Variants in THEMIS observed in about 807,000 individuals in gnomAD.
THEMIS encodes protein THEMIS.
In THEMIS, 37 loss-of-function variants were observed where a neutral mutation model predicts 52.6. The observed-to-expected ratio is 0.70, with a 90% confidence interval of 0.54 to 0.93. The LOEUF (loss-of-function observed/expected upper bound fraction) is 0.93, where lower values mean the gene tolerates loss of function less well. Among genes scored for constraint, THEMIS ranks in the 40% least tolerant of loss-of-function variants. The pLI is 0.00. For missense variants in THEMIS, 808 were observed against 763.1 expected (o/e 1.06, Z -0.69); for synonymous variants, 292 against 272.7 (o/e 1.07, Z -0.70).
intron 1 of THEMIS, among the ~76,000 whole-genome samples, chr6:127,897,568 G>T (rs146769783): frequency 1.9e-3 from 289 of 151,522 alleles, no homozygotes; most frequent in African/African-American, 6.5e-3. Flanking sequence ...AGTCATCAAG[G>T]AGATGAAAAC....
In THEMIS at chr6:127,829,859, G is replaced by A. The variant is rs1778640581; in HGVS notation, c.326C>T (p.Pro109Leu). Residue 109 changes from proline (P) to leucine (L), a missense_variant, in exon 3 of 6, where the codon CCA becomes CTA. By Grantham distance (98) the Pro-to-Leu change is moderately conservative. Coordinates refer to ENST00000368248, the MANE Select transcript of THEMIS (RefSeq NM_001010923.3). Reference protein sequence around the residue: ...EEITRTIHIGPSRLGHPCFYH... With the variant: ...EEITRTIHIGLSRLGHPCFYH... ...GAAGCAAGGATGCCCTAGTCTACTT[G>A]GTCCAATATGAATGGTCCTTGTGAT... 6.2e-7 allele frequency: 1 copy of A among 1,613,962 alleles called. No homozygotes were observed. The highest frequency in any genetic ancestry group is 1.1e-5 in the South Asian group (1 of 91,076).
At chr6:127,858,182 G>A (rs1242320462) in intron 1 of THEMIS, among the ~76,000 whole-genome samples, 1 of 152,008 alleles carries the variant, frequency 6.6e-6, no homozygotes, top group African/African-American at 2.4e-5. Context: ...AGAAGCCAGA[G>A]AATTCTATAA....
chr6:127,899,727 G>A (rs2114500939), intron 1 of THEMIS, among the ~76,000 whole-genome samples: 1 of 151,518 alleles, frequency 6.6e-6, no homozygotes, highest in South Asian at 2.1e-4. Context: ...CACAAACCAT[G>A]AGACAAAAAA....
chr6:127,807,960 CT>C (rs569597281), intron 4 of THEMIS, among the ~76,000 whole-genome samples: 1 of 152,282 alleles, frequency 6.6e-6, no homozygotes, highest in South Asian at 2.1e-4. Flanking sequence ...TTCCTTCTGC[CT>C]TTTTCAGCCC....
Position 127,829,638 on chromosome 6 carries a change from T to C in THEMIS, c.547A>G (p.Thr183Ala). 2 of 1,614,074 alleles carry C rather than the reference T, an allele frequency of 1.2e-6. No individual in the cohort carries two copies. The highest frequency in any genetic ancestry group is 1.7e-6 in the Non-Finnish European group (2 of 1,180,004). Residue 183 changes from threonine to alanine, a missense_variant, in exon 3 of 6, where the codon ACT becomes GCT. Coordinates refer to ENST00000368248, the MANE Select transcript of THEMIS (RefSeq NM_001010923.3). Reference sequence around the variant, plus strand: ...TTCCATTCAACAATCTCCTTTAGAGTGTAAATACGTTCATCTTCACACTCG... The same window carrying C: ...TTCCATTCAACAATCTCCTTTAGAGCGTAAATACGTTCATCTTCACACTCG... ...FYECEDERIYTLKEIVEWKIP... is the reference protein window; with the variant it reads ...FYECEDERIYALKEIVEWKIP...
chr6:127,791,039 T>C (rs1777137554), intron 4 of THEMIS, among the ~76,000 whole-genome samples: 1 of 152,188 alleles, frequency 6.6e-6, no homozygotes. Flanking sequence ...CTTCTCTCCT[T>C]CTTTCTTATC....
intron 4 of THEMIS, among the ~76,000 whole-genome samples, chr6:127,740,488 C>T (rs1461591387): frequency 6.6e-6 from 1 of 152,102 alleles, no homozygotes; most frequent in African/African-American, 2.4e-5. Context: ...TCAAACTCAA[C>T]TGCATAGTCA....
intron 4 of THEMIS, among the ~76,000 whole-genome samples, chr6:127,735,212 C>T (rs1293350858): frequency 5.3e-5 from 8 of 151,872 alleles, no homozygotes; most frequent in Admixed American, 2.6e-4. Context: ...GGCAATCTAA[C>T]AACAAGACTG....
intron 1 of THEMIS, among the ~76,000 whole-genome samples, chr6:127,869,986 T>G (rs1780106901): frequency 6.6e-6 from 1 of 152,160 alleles, no homozygotes; most frequent in South Asian, 2.1e-4. Flanking sequence ...CCCCATTTTT[T>G]GCTTGGGTGG....
At chr6:127,753,246 T>A (rs1260180611) in intron 4 of THEMIS, among the ~76,000 whole-genome samples, 2 of 151,930 alleles carry the variant, frequency 1.3e-5, no homozygotes, top group Non-Finnish European at 2.9e-5. Context: ...TCTTCTAAGA[T>A]CAAGAACAGG....
intron 1 of THEMIS, among the ~76,000 whole-genome samples, chr6:127,875,211 T>C (rs953803696): frequency 3.3e-5 from 5 of 152,244 alleles, no homozygotes; most frequent in African/African-American, 1.2e-4. Flanking sequence ...GGGATCTCTT[T>C]GTATTATTTC....
At position 127,709,818 on chromosome 6, in the gene THEMIS, G is replaced by A. The variant is rs1583184973; in HGVS notation, c.*167C>T. 1.7e-6 allele frequency: 1 copy of A among 603,060 alleles called. No individual in the cohort carries two copies. Among genetic ancestry groups the A allele is most frequent in the East Asian group, 3.0e-5 (1 of 32,800 alleles). The allele number at this position is 603,060 out of a possible 1,614,324, so 37.4% of individuals were successfully genotyped here. A position where few individuals can be genotyped will look rare whatever the true frequency, so the allele number is the denominator to read the frequency against. ...TATGAATTCTATATCATAGGTTTCT[G>A]TAAGTTTTATCTGTTAAAAGTTTTA... On this transcript the variant is annotated 3_prime_UTR_variant, in exon 6 of 6. Transcript: ENST00000368248.
At chr6:127,844,658 G>T (rs1027880073) in intron 2 of THEMIS, among the ~76,000 whole-genome samples, 1 of 151,828 alleles carries the variant, frequency 6.6e-6, no homozygotes, top group African/African-American at 2.4e-5. Context: ...ATGACTAAGA[G>T]AATATGTTTA....
At position 127,821,353 on chromosome 6, in the gene THEMIS, G is replaced by A. The variant is rs138893261; in HGVS notation, c.710-7422C>T. 2.1e-4 allele frequency among the ~76,000 whole-genome samples: 32 copies of A among 152,132 alleles called. No individual in the cohort carries two copies. In the East Asian group the frequency reaches 5.6e-3, roughly 27 times the overall value. On this transcript the variant is annotated intron_variant, in intron 3 of 5. Transcript: ENST00000368248. ...TTAGATAAGAAGGCAACACCTGAGAGCATGAGACTGAGAAACATTCCTGGA... is the reference window on the plus strand; with the variant it reads ...TTAGATAAGAAGGCAACACCTGAGAACATGAGACTGAGAAACATTCCTGGA...
At chr6:127,820,305 G>C (rs985319417) in intron 3 of THEMIS, among the ~76,000 whole-genome samples, 5 of 151,992 alleles carry the variant, frequency 3.3e-5, no homozygotes, top group Admixed American at 3.3e-4. Flanking sequence ...CACAACATGA[G>C]ACTTTAAGAA....
At chr6:127,796,596 C>T (rs1192273921) in intron 4 of THEMIS, among the ~76,000 whole-genome samples, 2 of 151,894 alleles carry the variant, frequency 1.3e-5, no homozygotes, top group African/African-American at 4.8e-5. Context: ...GAAGCATTGC[C>T]AAAACTATAT....
In THEMIS at chr6:127,723,719, C is replaced by T. The variant is rs376213770; in HGVS notation, c.1759-3896G>A. ...TAGGGCATTCTTAGTAAAATTTCCC[C>T]CTTAATATTAAGAAGTCCTGGGTTC... is the stretch of plus-strand genomic sequence containing the variant. On this transcript the variant is annotated intron_variant, in intron 4 of 5. Coordinates refer to ENST00000368248, the MANE Select transcript of THEMIS (RefSeq NM_001010923.3). Among the ~76,000 whole-genome samples the T allele has an allele frequency of 2.9e-4, 44 of 152,044 alleles. No individual in the cohort carries two copies. The East Asian group carries it at 8.0e-3, about 28-fold the overall frequency.
At chr6:127,744,886 T>G (rs1033865260) in intron 4 of THEMIS, among the ~76,000 whole-genome samples, 4 of 151,676 alleles carry the variant, frequency 2.6e-5, no homozygotes, top group Non-Finnish European at 5.9e-5. Context: ...CAAGGAGACT[T>G]TTGGAGGTGA....
At position 127,775,665 on chromosome 6, in the gene THEMIS, C is replaced by T. The variant is rs1479715921; in HGVS notation, c.1758+37218G>A. Among the ~76,000 whole-genome samples the T allele has an allele frequency of 4.6e-5, 7 of 151,730 alleles. No homozygotes were observed. The East Asian group carries it at 7.7e-4, about 17-fold the overall frequency. Reference sequence around the variant, plus strand: ...TTTTTTTTTTTGCAGTGAATGTTCCCCACCCCTGGCAAAAAACGATCTTCT... The same window carrying T: ...TTTTTTTTTTTGCAGTGAATGTTCCTCACCCCTGGCAAAAAACGATCTTCT... On this transcript the variant is annotated intron_variant, in intron 4 of 5. Coordinates refer to ENST00000368248, the MANE Select transcript of THEMIS (RefSeq NM_001010923.3).
Sources: allele counts gnomAD v4.1 joint callset (sites outside exome capture counted in the v4.1 genomes callset), GRCh38; gene constraint gnomAD v4.1.1; transcripts MANE v1.5; gene names NCBI Gene and HGNC (gene_info 2026-07-23, HGNC 2026-07-21).